ALPL: variants seen among roughly 807,000 people sequenced by gnomAD.
ALPL encodes alkaline phosphatase, biomineralization associated.
A neutral mutation model predicts 51.3 loss-of-function variants in ALPL; 42 were observed. That is an observed-to-expected ratio of 0.82 (90% confidence interval 0.64 to 1.06). The LOEUF is 1.06. ALPL is among the 50% of genes least tolerant of loss of function. The probability of loss-of-function intolerance (pLI) is 0.00; values close to 1 mark genes in which losing one functional copy is unlikely to be tolerated. For synonymous variants in ALPL, 279 were observed against 296.4 expected (o/e 0.94, Z 0.60); for missense variants, 589 against 709.4 (o/e 0.83, Z 1.93).
At chr1:21,525,418 G>C in intron 1 of ALPL, among the ~76,000 whole-genome samples, 1 of 152,234 alleles carries the variant, frequency 6.6e-6, no homozygotes, top group Admixed American at 6.5e-5. Context: ...CTTGGGCTTT[G>C]TCCCATCTAC....
intron 6 of ALPL, among the ~76,000 whole-genome samples, chr1:21,565,017 G>A (rs1570278746): frequency 1.3e-5 from 2 of 152,246 alleles, no homozygotes; most frequent in East Asian, 3.9e-4. Flanking sequence ...TGCCTACTGT[G>A]GGGGACTGCT....
At chr1:21,559,606 G>T (rs192277917) in intron 2 of ALPL, among the ~76,000 whole-genome samples, 1 of 152,140 alleles carries the variant, frequency 6.6e-6, no homozygotes, top group African/African-American at 2.4e-5. Flanking sequence ...TGCAACCTCC[G>T]CCTCCCGGGT....
Position 21,509,965 on chromosome 1 carries a change from C to T in ALPL, c.-105+448C>T, listed in dbSNP as rs1397049197. On this transcript the variant is annotated intron_variant, in intron 1 of 11. Transcript: ENST00000374840. The surrounding 1 kb of genome is among the most constrained non-coding windows in gnomAD (Gnocchi z 6.0). ...CCCCAAGGCCTCGTGGCCTGGCGCC[C>T]TCCCAGGCGTCCCACCTGACCCGGT... is the stretch of plus-strand genomic sequence containing the variant. Among the ~76,000 whole-genome samples, 2 of 152,212 alleles carry T rather than the reference C, an allele frequency of 1.3e-5. No homozygotes were observed. Among genetic ancestry groups the T allele is most frequent in the African/African-American group, 4.8e-5 (2 of 41,466 alleles).
rs533043320 is a variant in ALPL at position 21,564,590 on chromosome 1, C to T, written c.648+374C>T. On this transcript the variant is annotated intron_variant, in intron 6 of 11. Transcript: ENST00000374840. The surrounding 1 kb of genome is among the most constrained non-coding windows in gnomAD (Gnocchi z 5.8). ...GGTCACAGATGGGTACATATCTGTA[C>T]ACTCAACCACCAGCATGCCCGGCAA... 2.0e-5 allele frequency among the ~76,000 whole-genome samples: 3 copies of T among 152,342 alleles called. No individual in the cohort carries two copies. The highest frequency in any genetic ancestry group is 4.1e-4 in the South Asian group (2 of 4,826).
At chr1:21,533,935 A>AGAAG (rs1324295887) in intron 1 of ALPL, among the ~76,000 whole-genome samples, 6 of 100,486 alleles carry the variant, frequency 6.0e-5, no homozygotes, top group Admixed American at 1.1e-4. Flanking sequence ...AAAAAAAAAA[A>AGAAG]AAGAAGAAGA....
rs374027517 is a variant in ALPL, at chr1:21,568,260, G to C, written c.792+13G>C. ...ACCGAGATACAAGGTAGCCTGTGCT[G>C]GGGCCATGTGGCTGCAGAGGTGGCC... On this transcript the variant is annotated intron_variant, in intron 7 of 11. Coordinates refer to ENST00000374840, the MANE Select transcript of ALPL (RefSeq NM_000478.6). The C allele has an allele frequency of 4.1e-5, 66 of 1,614,004 alleles. No individual in the cohort carries two copies. Among genetic ancestry groups the C allele is most frequent in the Middle Eastern group, 1.7e-4 (1 of 6,042 alleles).
At chr1:21,546,718 C>T (rs1644258213) in intron 1 of ALPL, among the ~76,000 whole-genome samples, 2 of 152,238 alleles carry the variant, frequency 1.3e-5, no homozygotes, top group Non-Finnish European at 2.9e-5. Flanking sequence ...GCCGTGGAGA[C>T]CCCCAGATTT....
chr1:21,563,000 G>A, intron 4 of ALPL, 110 bp from the exon 5 acceptor site: 1 of 1,430,794 alleles, frequency 7.0e-7, no homozygotes, highest in South Asian at 1.2e-5. Flanking sequence ...AAGGCTATGG[G>A]GTCCTCTCTG....
chr1:21,542,374 C>G (rs1350888843), intron 1 of ALPL, among the ~76,000 whole-genome samples: 1 of 152,184 alleles, frequency 6.6e-6, no homozygotes, highest in Non-Finnish European at 1.5e-5. Context: ...ACTCAGTTCC[C>G]TATGTGTGCC....
At chr1:21,541,917 ATGGC>A (rs1396000743) in intron 1 of ALPL, among the ~76,000 whole-genome samples, 1 of 152,084 alleles carries the variant, frequency 6.6e-6, no homozygotes, top group Non-Finnish European at 1.5e-5. Flanking sequence ...GGTGCTGTCA[ATGGC>A]TAGAAGTCTG....
chr1:21,576,038 A>C, intron 10 of ALPL, 114 bp downstream of exon 10: 1 of 1,278,782 alleles, frequency 7.8e-7, no homozygotes, highest in Non-Finnish European at 1.1e-6. Flanking sequence ...CTCAATGACA[A>C]CTGGGTGGGG....
intron 1 of ALPL, among the ~76,000 whole-genome samples, chr1:21,521,629 C>T (rs1279203334): frequency 1.3e-5 from 2 of 152,188 alleles, no homozygotes; most frequent in East Asian, 3.9e-4. Context: ...CAGACCTTCA[C>T]TGGTGTCCTT....
chr1:21,511,958 CT>C, intron 1 of ALPL, among the ~76,000 whole-genome samples: 1 of 152,210 alleles, frequency 6.6e-6, no homozygotes, highest in Non-Finnish European at 1.5e-5. Flanking sequence ...GTACCCATCT[CT>C]GGGCATATGA....
At chr1:21,560,879 C>G (rs887213519) in intron 3 of ALPL, 134 bp downstream of exon 3, 1 of 1,260,992 alleles carries the variant, frequency 7.9e-7, no homozygotes, top group African/African-American at 1.5e-5. Flanking sequence ...GGATGAGGGG[C>G]CAGGCTGTGG....
At chr1:21,567,587 G>A (rs1056397882) in intron 6 of ALPL, among the ~76,000 whole-genome samples, 6 of 152,202 alleles carry the variant, frequency 3.9e-5, no homozygotes, top group Admixed American at 3.3e-4. Context: ...TTAGCTGCAC[G>A]AATACAGCAG....
chr1:21,570,598 G>A (rs972248890), intron 8 of ALPL, among the ~76,000 whole-genome samples: 1 of 152,206 alleles, frequency 6.6e-6, no homozygotes, highest in African/African-American at 2.4e-5. Context: ...GGCACAAGAA[G>A]AAACTGAAGC....
chr1:21,515,775 C>CTCTCAGGCTGACGT (rs2148056409), intron 1 of ALPL, among the ~76,000 whole-genome samples: 1 of 152,334 alleles, frequency 6.6e-6, no homozygotes, highest in South Asian at 2.1e-4. Context: ...TACCACTTAG[C>CTCTCAGGCTGACGT]TCTCAGGCTG....
intron 6 of ALPL, among the ~76,000 whole-genome samples, chr1:21,565,074 G>A (rs1042765345): frequency 6.6e-6 from 1 of 152,070 alleles, no homozygotes; most frequent in Non-Finnish European, 1.5e-5. Context: ...ATGGGGATTC[G>A]GTGAGGGGCA....
intron 1 of ALPL, among the ~76,000 whole-genome samples, chr1:21,552,186 TA>T (rs555460823): frequency 3.4e-4 from 45 of 131,092 alleles, no homozygotes; most frequent in East Asian, 4.9e-4. Context: ...ATTTTTAAAT[TA>T]AAAAAAAAAA....
Sources: allele counts gnomAD v4.1 joint callset (sites outside exome capture counted in the v4.1 genomes callset), GRCh38; gene constraint gnomAD v4.1.1; non-coding constraint Gnocchi (gnomAD v3.1); transcripts MANE v1.5; gene names NCBI Gene and HGNC (gene_info 2026-07-23, HGNC 2026-07-21).